DPP10: variants seen among roughly 807,000 people sequenced by gnomAD.
The protein encoded by DPP10 is dipeptidyl peptidase like 10.
DPP10 carries 33 observed loss-of-function variants against 120.9 expected under a neutral mutation model. The observed-to-expected ratio is 0.27, with a 90% CI of 0.21 to 0.37. The LOEUF (loss-of-function observed/expected upper bound fraction) is 0.37, where lower values mean the gene tolerates loss of function less well. Ranked by LOEUF, DPP10 falls within the 10% of genes least tolerant of loss-of-function variation. DPP10 has a pLI of 1.00. For synonymous variants in DPP10, 337 were observed against 326.1 expected (o/e 1.03, Z -0.36); for missense variants, 816 against 942.8 (o/e 0.87, Z 1.76).
intron 19 of DPP10, among the ~76,000 whole-genome samples, chr2:115,793,050 C>T (rs929058676): frequency 4.6e-5 from 7 of 152,328 alleles, no homozygotes; most frequent in Middle Eastern, 3.4e-3. Context: ...GATAAGCTAA[C>T]TGGCTCATCT....
intron 5 of DPP10, among the ~76,000 whole-genome samples, chr2:115,667,220 T>C (rs750789974): frequency 6.6e-6 from 1 of 152,176 alleles, no homozygotes; most frequent in Non-Finnish European, 1.5e-5. Flanking sequence ...ACTTGTTGAT[T>C]TGTTTAAGTT....
chr2:114,965,238 G>C (rs1698920516), intron 1 of DPP10, among the ~76,000 whole-genome samples: 1 of 152,086 alleles, frequency 6.6e-6, no homozygotes, highest in Non-Finnish European at 1.5e-5. Flanking sequence ...CCGGGTTCAA[G>C]TGATTCTCCT....
At chr2:114,486,157 C>T (rs1681502170) in intron 1 of DPP10, among the ~76,000 whole-genome samples, 1 of 152,106 alleles carries the variant, frequency 6.6e-6, no homozygotes, top group Non-Finnish European at 1.5e-5. Context: ...GTACTGCCAT[C>T]CTGTGTAGAT....
At chr2:115,543,986 C>A (rs1264920348) in intron 5 of DPP10, among the ~76,000 whole-genome samples, 1 of 151,402 alleles carries the variant, frequency 6.6e-6, no homozygotes, top group Admixed American at 6.6e-5. Flanking sequence ...AAATTAATTA[C>A]CTTAACAAAT....
At chr2:115,695,468 A>G (rs1034516658) in intron 7 of DPP10, among the ~76,000 whole-genome samples, 36 of 152,230 alleles carry the variant, frequency 2.4e-4, no homozygotes, top group Admixed American at 3.9e-4. Flanking sequence ...AGGCAAAGGA[A>G]GAGCAAAGTC....
intron 1 of DPP10, among the ~76,000 whole-genome samples, chr2:114,849,277 T>C (rs892477846): frequency 6.6e-6 from 1 of 152,152 alleles, no homozygotes; most frequent in African/African-American, 2.4e-5. Flanking sequence ...GGGTCTATAT[T>C]CCCTTTGCTT....
chr2:115,619,079 T>A (rs2084743022), intron 5 of DPP10, among the ~76,000 whole-genome samples: 1 of 72,186 alleles, frequency 1.4e-5, no homozygotes, highest in Admixed American at 1.7e-4. Flanking sequence ...CACTGCCAAA[T>A]TGAGAGACAT....
intron 1 of DPP10, among the ~76,000 whole-genome samples, chr2:115,012,786 T>G (rs568614883): frequency 3.0e-4 from 46 of 152,278 alleles, no homozygotes; most frequent in African/African-American, 1.0e-3. Context: ...CAAAAGATCA[T>G]GCCAGCTCAC....
chr2:114,775,115 G>C (rs746248378), intron 1 of DPP10, among the ~76,000 whole-genome samples: 1 of 152,120 alleles, frequency 6.6e-6, no homozygotes, highest in Non-Finnish European at 1.5e-5. Context: ...GTTACAACAA[G>C]AGCATGGGTA....
chr2:115,622,479 C>T (rs1307298043), intron 5 of DPP10, among the ~76,000 whole-genome samples: 1 of 148,042 alleles, frequency 6.8e-6, no homozygotes, highest in Non-Finnish European at 1.5e-5. Context: ...GCCATCCACG[C>T]AAAAGGTTTT....
intron 1 of DPP10, among the ~76,000 whole-genome samples, chr2:114,723,957 A>G (rs557558403): frequency 1.3e-5 from 2 of 152,352 alleles, no homozygotes; most frequent in Admixed American, 6.5e-5. Flanking sequence ...ATAAAAGGAT[A>G]GGCCCAACAA....
intron 5 of DPP10, among the ~76,000 whole-genome samples, chr2:115,689,355 C>T (rs2091182759): frequency 6.6e-6 from 1 of 151,908 alleles, no homozygotes; most frequent in South Asian, 2.1e-4. Flanking sequence ...CATGTAAAAG[C>T]CAAAATAACA....
At chr2:114,661,993 G>A (rs1473415920) in intron 1 of DPP10, among the ~76,000 whole-genome samples, 1 of 151,568 alleles carries the variant, frequency 6.6e-6, no homozygotes, top group Non-Finnish European at 1.5e-5. Context: ...GCAACAAGAG[G>A]GAAACTCCGT....
At chr2:115,472,360 T>A (rs2074784262) in intron 3 of DPP10, among the ~76,000 whole-genome samples, 1 of 152,224 alleles carries the variant, frequency 6.6e-6, no homozygotes, top group African/African-American at 2.4e-5. Flanking sequence ...AAAAATGCTA[T>A]GCAATTTTTA....
intron 1 of DPP10, chr2:114,835,439 A>G (rs1166856289): frequency 6.6e-6 from 1 of 152,132 alleles, no homozygotes; most frequent in Non-Finnish European, 1.5e-5. Context: ...CTACACACCT[A>G]TGTATATATA....
At chr2:114,703,079 G>A (rs1700481767) in intron 1 of DPP10, among the ~76,000 whole-genome samples, 1 of 152,098 alleles carries the variant, frequency 6.6e-6, no homozygotes, top group African/African-American at 2.4e-5. Flanking sequence ...CACCAAGAAA[G>A]TCATTGCATT....
chr2:115,141,730 A>G (rs2050937028), intron 1 of DPP10, among the ~76,000 whole-genome samples: 1 of 152,166 alleles, frequency 6.6e-6, no homozygotes. Context: ...TCACTCACCT[A>G]ATATTCATTT....
chr2:114,473,228 A>C (rs985947828), intron 1 of DPP10, among the ~76,000 whole-genome samples: 2 of 152,200 alleles, frequency 1.3e-5, no homozygotes, highest in African/African-American at 4.8e-5. Context: ...GAGCATGAAA[A>C]AATAAATAAT....
intron 1 of DPP10, among the ~76,000 whole-genome samples, chr2:115,147,277 T>A (rs550921181): frequency 6.6e-6 from 1 of 151,890 alleles, no homozygotes; most frequent in East Asian, 1.9e-4. Flanking sequence ...AAGGAAAAAG[T>A]CATTATTGCA....
Sources: allele counts gnomAD v4.1 joint callset (sites outside exome capture counted in the v4.1 genomes callset), GRCh38; gene constraint gnomAD v4.1.1; transcripts MANE v1.5; gene names NCBI Gene and HGNC (gene_info 2026-07-23, HGNC 2026-07-21).